Variants in BBS7 observed in about 807,000 individuals in gnomAD.
BBS7 encodes the protein Bardet-Biedl syndrome 7.
BBS7 carries 50 observed loss-of-function variants against 90.3 expected under a neutral mutation model. That is an observed-to-expected ratio of 0.55 (90% CI 0.44 to 0.70). BBS7 has a LOEUF of 0.70. Among genes scored for constraint, BBS7 ranks in the 30% least tolerant of loss-of-function variants. The pLI, the probability that BBS7 is intolerant of heterozygous loss-of-function variation, is 0.00. For missense variants in BBS7, 729 were observed against 838.9 expected (o/e 0.87, Z 1.62); for synonymous variants, 235 against 287.4 (o/e 0.82, Z 1.85).
At position 121,855,490 on chromosome 4, in the gene BBS7, G is replaced by A. The variant is rs370053625; in HGVS notation, c.600C>T (p.Gly200=). The A allele has an allele frequency of 7.2e-5, 116 of 1,611,856 alleles. No individual in the cohort carries two copies. The highest frequency in any genetic ancestry group is 8.8e-5 in the Non-Finnish European group (104 of 1,178,456). The change falls in exon 6 of 19, where the codon GGC becomes GGT. Residue 200 remains glycine (G), a splice_region_variant and synonymous_variant. Transcript: ENST00000264499. ...TGTGAAAAATAAAATCCTGATTACCGCCATTTCCATTGTGTAGTGCTAAGA... is the reference window on the plus strand; with the variant it reads ...TGTGAAAAATAAAATCCTGATTACCACCATTTCCATTGTGTAGTGCTAAGA... The part of the protein sequence containing the change: ...PTVLALHNGN[G]GDSGEDLLFG...
At chr4:121,831,336 A>G (rs1259814642) in intron 15 of BBS7, among the ~76,000 whole-genome samples, 1 of 152,132 alleles carries the variant, frequency 6.6e-6, no homozygotes, top group African/African-American at 2.4e-5. Flanking sequence ...GAAGGCTTCA[A>G]AAATGTAGCT....
At chr4:121,858,819 C>A (rs2661555) in intron 5 of BBS7, 173 bp downstream of exon 5, 1 of 652,548 alleles carries the variant, frequency 1.5e-6, no homozygotes, top group Non-Finnish European at 2.5e-6. Flanking sequence ...ACTTACAAAA[C>A]AACACATTTG....
At chr4:121,832,665 G>C (rs1200165983) in intron 15 of BBS7, among the ~76,000 whole-genome samples, 1 of 152,152 alleles carries the variant, frequency 6.6e-6, no homozygotes, top group East Asian at 1.9e-4. Flanking sequence ...ACCATATCAG[G>C]ATAGCTACAA....
At chr4:121,866,779 G>A (rs1485851653) in intron 2 of BBS7, among the ~76,000 whole-genome samples, 2 of 151,972 alleles carry the variant, frequency 1.3e-5, no homozygotes, top group African/African-American at 4.8e-5. Context: ...TCCATTTTAT[G>A]TTCTCTGTGT....
At chr4:121,865,052 T>A (rs890891034) in intron 2 of BBS7, among the ~76,000 whole-genome samples, 1 of 152,128 alleles carries the variant, frequency 6.6e-6, no homozygotes, top group Non-Finnish European at 1.5e-5. Flanking sequence ...CTCCCTTCCC[T>A]CTACCCTTTG....
intron 10 of BBS7, 107 bp downstream of exon 10, chr4:121,847,297 T>A (rs1726062449): frequency 2.7e-6 from 2 of 729,804 alleles, no homozygotes; most frequent in Non-Finnish European, 4.6e-6. Flanking sequence ...AACTAATTAA[T>A]TACATAATTC....
intron 18 of BBS7, 91 bp from the exon 19 acceptor site, chr4:121,826,084 T>C: frequency 1.8e-6 from 2 of 1,085,030 alleles, no homozygotes; most frequent in South Asian, 1.4e-5. Flanking sequence ...TAATCTATTT[T>C]TAAGCACCTG....
chr4:121,838,761 G>C (rs1347146338), intron 13 of BBS7, among the ~76,000 whole-genome samples: 1 of 151,836 alleles, frequency 6.6e-6, no homozygotes, highest in Non-Finnish European at 1.5e-5. Flanking sequence ...CAGGTGTGGT[G>C]GTGGGCACCT....
chr4:121,853,161 A>C, intron 7 of BBS7, 75 bp from the exon 8 acceptor site: 1 of 1,506,274 alleles, frequency 6.6e-7, no homozygotes, highest in Middle Eastern at 1.7e-4. Context: ...GTAAGAATGA[A>C]AAAAACACAC....
chr4:121,864,689 G>C (rs75046590), intron 2 of BBS7, among the ~76,000 whole-genome samples: 3,646 of 152,192 alleles, frequency 0.024, 56 homozygotes, highest in Middle Eastern at 0.071. Flanking sequence ...CAAAAATTTT[G>C]AGAAGTGCTA....
At chr4:121,859,760 A>G (rs1225926547) in intron 4 of BBS7, among the ~76,000 whole-genome samples, 2 of 151,886 alleles carry the variant, frequency 1.3e-5, no homozygotes, top group Non-Finnish European at 2.9e-5. Flanking sequence ...ACTAAATGAT[A>G]AACAGCAGAA....
intron 8 of BBS7, among the ~76,000 whole-genome samples, chr4:121,851,313 T>G (rs1387785422): frequency 3.4e-4 from 52 of 151,164 alleles, no homozygotes; most frequent in Non-Finnish European, 2.9e-5. Flanking sequence ...TCTTATGTAC[T>G]TATATAAAAA....
chr4:121,865,399 T>G (rs956271595), intron 2 of BBS7, among the ~76,000 whole-genome samples: 36 of 152,056 alleles, frequency 2.4e-4, no homozygotes, highest in African/African-American at 8.5e-4. Flanking sequence ...CCATCGTGCC[T>G]GGCTAATTTT....
chr4:121,846,634 G>C (rs1726026645), intron 10 of BBS7, among the ~76,000 whole-genome samples: 1 of 152,198 alleles, frequency 6.6e-6, no homozygotes, highest in Non-Finnish European at 1.5e-5. Context: ...CTTGTTGCAT[G>C]AAGTAGGATA....
rs1423156185 is a variant in BBS7 at position 121,852,938 on chromosome 4, C to A, written c.849+18G>T. ...ATTTGACAAATAATAAGCATATAGT[C>A]TTTTTTAATGAACTTACCTGATCAA... On this transcript the variant is annotated intron_variant, in intron 8 of 18. Coordinates refer to ENST00000264499, the MANE Select transcript of BBS7 (RefSeq NM_176824.3). 1.9e-6 allele frequency: 3 copies of A among 1,611,780 alleles called. No homozygotes were observed. The East Asian group carries it at 6.7e-5, about 36-fold the overall frequency.
chr4:121,861,717 C>CT lies in BBS7; in HGVS notation c.166-39dup, dbSNP rs748378917. The stretch of plus-strand genomic sequence containing the variant: ...ATTCAGGAAAAAAGTACACAAATTA[C>CT]TTTATTGTGAGCATTTTTTCCTTTA... On this transcript the variant is annotated intron_variant, in intron 3 of 18. Transcript: ENST00000264499. 1.9e-6 allele frequency: 3 copies of CT among 1,604,512 alleles called. No individual in the cohort carries two copies. In the South Asian group the frequency reaches 3.3e-5, roughly 18 times the overall value.
chr4:121,861,819 T>C, intron 3 of BBS7, 140 bp from the exon 4 acceptor site: 1 of 817,486 alleles, frequency 1.2e-6, no homozygotes. Flanking sequence ...GATAATAATC[T>C]ATATACTTCA....
chr4:121,829,734 T>C (rs72680759), intron 15 of BBS7, among the ~76,000 whole-genome samples: 2,394 of 152,306 alleles, frequency 0.016, 32 homozygotes, highest in South Asian at 0.061. Context: ...GGGACTTTTA[T>C]TGGAGCCAGT....
intron 13 of BBS7, among the ~76,000 whole-genome samples, chr4:121,836,581 A>T (rs762514477): frequency 1.3e-5 from 2 of 152,178 alleles, no homozygotes; most frequent in Non-Finnish European, 2.9e-5. Context: ...ATAAATAGCT[A>T]TTTATTCAAC....
Sources: gnomAD v4.1 joint callset for allele counts (sites outside exome capture counted in the v4.1 genomes callset) on GRCh38, gnomAD v4.1.1 for gene constraint, MANE v1.5 for transcripts, NCBI Gene and HGNC (gene_info 2026-07-23, HGNC 2026-07-21) for gene names.